The following MET variants were observed in gnomAD, a reference collection of about 807,000 sequenced individuals.
MET encodes MET proto-oncogene, receptor tyrosine kinase, also known as hepatocyte growth factor receptor.
In MET, 48 loss-of-function variants were observed where a neutral mutation model predicts 133.1. The observed-to-expected ratio is 0.36, with a 90% CI of 0.29 to 0.46. The LOEUF is 0.46. Ranked by LOEUF, MET falls within the 20% of genes least tolerant of loss-of-function variation. MET has a pLI of 1.00. For synonymous variants in MET, 628 were observed against 616.5 expected, an observed-to-expected ratio of 1.02 and a Z score of -0.28; for missense variants, 1,442 against 1,695.9, an observed-to-expected ratio of 0.85 and a Z score of 2.63.
At chr7:116,673,604 A>G (rs1202838081) in intron 1 of MET, among the ~76,000 whole-genome samples, 1 of 152,218 alleles carries the variant, frequency 6.6e-6, no homozygotes, top group African/African-American at 2.4e-5. Flanking sequence ...AGACACATGC[A>G]CATTGCCATG....
chr7:116,746,126 A>C (rs1793671501), intron 5 of MET, among the ~76,000 whole-genome samples: 1 of 152,268 alleles, frequency 6.6e-6, no homozygotes, highest in South Asian at 2.1e-4. Context: ...AAAGGATATG[A>C]ACAGACACTT....
At chr7:116,716,509 GA>G (rs1392271299) in intron 2 of MET, among the ~76,000 whole-genome samples, 1 of 150,380 alleles carries the variant, frequency 6.6e-6, no homozygotes, top group Admixed American at 6.6e-5. Flanking sequence ...AAGAAAGAAA[GA>G]AAGAAAGAAA....
chr7:116,783,188 C>T, intron 18 of MET, 116 bp from the exon 19 acceptor site: 2 of 1,202,320 alleles, frequency 1.7e-6, no homozygotes, highest in Non-Finnish European at 2.4e-6. Context: ...TGAAATACTT[C>T]CTTCAGAAGT....
At position 116,699,873 on chromosome 7, in the gene MET, G is replaced by T. The variant is rs554190225; in HGVS notation, c.789G>T (p.Thr263=). 6.2e-7 allele frequency: 1 copy of T among 1,613,976 alleles called. No individual in the cohort carries two copies. Among genetic ancestry groups the T allele is most frequent in the Non-Finnish European group, 8.5e-7 (1 of 1,179,960 alleles). The change falls in exon 2 of 21, where the codon ACG becomes ACT. Residue 263 remains threonine (T), a synonymous_variant. Coordinates refer to ENST00000397752, the MANE Select transcript of MET (RefSeq NM_000245.4). The stretch of plus-strand genomic sequence containing the variant: ...GCAACAATTTTATTTACTTCTTGAC[G>T]GTCCAAAGGGAAACTCTAGATGCTC... The part of the protein sequence containing the change: ...FESNNFIYFL[T]VQRETLDAQT...
At chr7:116,704,430 G>A (rs1032565691) in intron 2 of MET, among the ~76,000 whole-genome samples, 2 of 151,998 alleles carry the variant, frequency 1.3e-5, no homozygotes, top group African/African-American at 2.4e-5. Flanking sequence ...ATCTGTAAAA[G>A]GTCCCAACTT....
chr7:116,784,758 G>A (rs949044011), intron 19 of MET, among the ~76,000 whole-genome samples: 3 of 152,116 alleles, frequency 2.0e-5, no homozygotes, highest in African/African-American at 4.8e-5. Context: ...CAAATCTCAC[G>A]TCCTTCTCAC....
At chr7:116,706,312 A>G (rs772060041) in intron 2 of MET, among the ~76,000 whole-genome samples, 2 of 152,140 alleles carry the variant, frequency 1.3e-5, no homozygotes, top group Admixed American at 6.6e-5. Flanking sequence ...TGATTTCTAC[A>G]CGGAGATTCA....
intron 2 of MET, among the ~76,000 whole-genome samples, chr7:116,719,062 C>T (rs1396776719): frequency 4.6e-5 from 5 of 108,328 alleles, no homozygotes; most frequent in East Asian, 2.7e-4. Flanking sequence ...CCTGAGGAAT[C>T]GCCACACTGA....
intron 8 of MET, 131 bp from the exon 9 acceptor site, chr7:116,758,328 A>G: frequency 5.7e-6 from 5 of 884,944 alleles, no homozygotes; most frequent in Non-Finnish European, 9.1e-6. Flanking sequence ...AGCCTACACT[A>G]GAAAAGGCTT....
At chr7:116,762,758 C>T (rs1191685647) in intron 10 of MET, among the ~76,000 whole-genome samples, 1 of 152,132 alleles carries the variant, frequency 6.6e-6, no homozygotes, top group Non-Finnish European at 1.5e-5. Context: ...CTCCAGGTGA[C>T]TGTCCTGTCT....
intron 5 of MET, among the ~76,000 whole-genome samples, chr7:116,751,293 A>T (rs1190099358): frequency 1.3e-5 from 2 of 152,106 alleles, no homozygotes; most frequent in Non-Finnish European, 2.9e-5. Context: ...GAAGCTGGAA[A>T]CCGTAATTCC....
chr7:116,689,060 T>C (rs1796679596), intron 1 of MET, among the ~76,000 whole-genome samples: 1 of 152,306 alleles, frequency 6.6e-6, no homozygotes, highest in South Asian at 2.1e-4. Flanking sequence ...TCATTTATTA[T>C]AAATAAAGCA....
At chr7:116,684,867 G>A (rs1035857913) in intron 1 of MET, among the ~76,000 whole-genome samples, 2 of 152,162 alleles carry the variant, frequency 1.3e-5, no homozygotes, top group Non-Finnish European at 2.9e-5. Flanking sequence ...AGATATCTCT[G>A]GTATGCTAGG....
In MET at chr7:116,771,689, C is replaced by T. The variant is rs368247435; in HGVS notation, c.2887+35C>T. 2.5e-6 allele frequency: 4 copies of T among 1,611,572 alleles called. No individual in the cohort carries two copies. In the African/African-American group the frequency reaches 4.0e-5, roughly 16 times the overall value. On this transcript the variant is annotated intron_variant, in intron 13 of 20. Coordinates refer to ENST00000397752, the MANE Select transcript of MET (RefSeq NM_000245.4). ...TGTTACTGTTCATTTTTAGAAGTTA[C>T]CTTAAGAACACAGTCATTACAGTTT...
chr7:116,764,939 A>G (rs952204490), intron 11 of MET, among the ~76,000 whole-genome samples: 2 of 152,174 alleles, frequency 1.3e-5, no homozygotes, highest in African/African-American at 2.4e-5. Flanking sequence ...AAGCAAAGGC[A>G]TAAGAGAATA....
chr7:116,786,874 G>A (rs2117078684), intron 19 of MET, among the ~76,000 whole-genome samples: 1 of 152,324 alleles, frequency 6.6e-6, no homozygotes, highest in African/African-American at 2.4e-5. Context: ...GGCATGGGAA[G>A]CAAGAAGTCA....
intron 18 of MET, among the ~76,000 whole-genome samples, chr7:116,782,308 G>A (rs765122275): frequency 2.0e-5 from 3 of 152,180 alleles, no homozygotes; most frequent in African/African-American, 7.2e-5. Flanking sequence ...CTCCATAGGG[G>A]GTCTTAAACA....
intron 5 of MET, among the ~76,000 whole-genome samples, chr7:116,752,328 T>C (rs182774494): frequency 1.3e-5 from 2 of 152,300 alleles, no homozygotes; most frequent in East Asian, 3.9e-4. Flanking sequence ...TAAAATACTG[T>C]TGGAATGGGC....
chr7:116,747,822 C>T (rs939155786), intron 5 of MET, among the ~76,000 whole-genome samples: 2 of 152,210 alleles, frequency 1.3e-5, no homozygotes, highest in Admixed American at 1.3e-4. Context: ...GTAGAATATA[C>T]ATTCTTCTCA....
Sources: allele counts gnomAD v4.1 joint callset (sites outside exome capture counted in the v4.1 genomes callset), GRCh38; gene constraint gnomAD v4.1.1; transcripts MANE v1.5; gene names NCBI Gene and HGNC (gene_info 2026-07-23, HGNC 2026-07-21).